ATAD1: variants seen among roughly 807,000 people sequenced by gnomAD.
ATAD1 encodes the protein outer mitochondrial transmembrane helix translocase.
A neutral mutation model predicts 42.7 loss-of-function variants in ATAD1; 18 were observed. The ratio of observed to expected loss-of-function variants is 0.42; its 90% confidence interval spans 0.29 to 0.63. The LOEUF (loss-of-function observed/expected upper bound fraction) is 0.63. Among genes scored for constraint, ATAD1 ranks in the 20% least tolerant of loss-of-function variants. The pLI is 0.19. For synonymous variants in ATAD1, 132 were observed against 143.1 expected, an observed-to-expected ratio of 0.92 and a Z score of 0.55; for missense variants, 294 against 440.4, an observed-to-expected ratio of 0.67 and a Z score of 2.98.
At chr10:87,786,912 GC>G (rs1855864612) in intron 4 of ATAD1, among the ~76,000 whole-genome samples, 1 of 151,714 alleles carries the variant, frequency 6.6e-6, no homozygotes, top group African/African-American at 2.4e-5. Flanking sequence ...CCGAGATTGC[GC>G]CATTGCACTC....
intron 1 of ATAD1, chr10:87,832,092 T>C (rs1367068265): frequency 3.3e-5 from 5 of 149,528 alleles, no homozygotes; most frequent in African/African-American, 4.9e-5. Flanking sequence ...TTTTTTTTTT[T>C]TGACAGGGTC....
intron 7 of ATAD1, among the ~76,000 whole-genome samples, chr10:87,768,671 A>G (rs2131804885): frequency 6.6e-6 from 1 of 152,334 alleles, no homozygotes; most frequent in Middle Eastern, 3.4e-3. Flanking sequence ...ATTTATAATA[A>G]ACTTGATAAA....
At chr10:87,768,437 C>T (rs553542833) in intron 7 of ATAD1, among the ~76,000 whole-genome samples, 2 of 152,154 alleles carry the variant, frequency 1.3e-5, no homozygotes, top group Non-Finnish European at 2.9e-5. Flanking sequence ...CCAAACTCTG[C>T]TCTTTCTGTA....
In ATAD1 at chr10:87,818,029, G is replaced by A. The variant is rs113350141; in HGVS notation, c.-14+138C>T. 57 of 985,610 alleles carry A rather than the reference G, an allele frequency of 5.8e-5. No individual in the cohort carries two copies. In the Admixed American group the frequency reaches 8.0e-4, roughly 14 times the overall value. 61.1% of individuals were successfully genotyped at this position (985,610 alleles called of 1,614,324 possible). ...TACTAAGGGCTGCGGGGCGCTTGGGGGCGGCACTGAGGTAGGGCGTGGGAG... is the reference window on the plus strand; with the variant it reads ...TACTAAGGGCTGCGGGGCGCTTGGGAGCGGCACTGAGGTAGGGCGTGGGAG... On this transcript the variant is annotated intron_variant, in intron 1 of 9. Transcript: ENST00000680024.
upstream of ATAD1, among the ~76,000 whole-genome samples, chr10:87,823,008 AAAT>A (rs1857659447): frequency 1.3e-5 from 2 of 151,980 alleles, no homozygotes; most frequent in Non-Finnish European, 2.9e-5. Context: ...ATCAAGGAAA[AAAT>A]AATGGAAATT....
chr10:87,827,912 A>G (rs146859451), intron 1 of ATAD1, among the ~76,000 whole-genome samples: 4 of 152,260 alleles, frequency 2.6e-5, no homozygotes, highest in Non-Finnish European at 4.4e-5. Flanking sequence ...GAGTCAGACA[A>G]TTAGCCAAGT....
At chr10:87,772,346 C>T (rs533224736) in intron 6 of ATAD1, among the ~76,000 whole-genome samples, 1 of 151,986 alleles carries the variant, frequency 6.6e-6, no homozygotes, top group East Asian at 1.9e-4. Context: ...CCTCTGGGCT[C>T]AAGCGATCCT....
chr10:87,760,283 A>AC (rs1363569284), intron 8 of ATAD1, among the ~76,000 whole-genome samples: 1 of 152,018 alleles, frequency 6.6e-6, no homozygotes, highest in Non-Finnish European at 1.5e-5. Context: ...GATTATGGGG[A>AC]CAGACTTCCC....
intron 3 of ATAD1, among the ~76,000 whole-genome samples, chr10:87,791,057 T>TAAAAAAG (rs1856080605): frequency 8.1e-6 from 1 of 124,032 alleles, no homozygotes; most frequent in African/African-American, 3.3e-5. Flanking sequence ...AAAAAAAAAT[T>TAAAAAAG]AACCAGGTGT....
chr10:87,814,782 T>A (rs951245726), intron 1 of ATAD1, 170 bp from the exon 2 acceptor site: 3 of 436,704 alleles, frequency 6.9e-6, no homozygotes, highest in Non-Finnish European at 1.1e-5. Flanking sequence ...TTTTAAATGT[T>A]AAGTAAACAA....
At chr10:87,805,354 C>T (rs533396702) in intron 2 of ATAD1, among the ~76,000 whole-genome samples, 1 of 152,224 alleles carries the variant, frequency 6.6e-6, no homozygotes, top group African/African-American at 2.4e-5. Flanking sequence ...CTGAGAAATC[C>T]TTACACTTCT....
At chr10:87,790,598 C>T (rs1188931809) in intron 3 of ATAD1, among the ~76,000 whole-genome samples, 168 bp from the exon 4 acceptor site, 3 of 152,040 alleles carry the variant, frequency 2.0e-5, no homozygotes, top group African/African-American at 4.8e-5. Flanking sequence ...AAATAAACTG[C>T]TATGAAACTG....
At chr10:87,758,954 C>T (rs1854353556) in intron 8 of ATAD1, among the ~76,000 whole-genome samples, 1 of 152,134 alleles carries the variant, frequency 6.6e-6, no homozygotes. Flanking sequence ...ATCTCATGTA[C>T]ATACATGTAT....
At chr10:87,764,391 G>C (rs1390336972) in intron 8 of ATAD1, among the ~76,000 whole-genome samples, 1 of 152,168 alleles carries the variant, frequency 6.6e-6, no homozygotes, top group Non-Finnish European at 1.5e-5. Flanking sequence ...GAACCTGGAA[G>C]GCAGAGGTTG....
intron 6 of ATAD1, among the ~76,000 whole-genome samples, chr10:87,775,974 A>G (rs1343790833): frequency 6.6e-6 from 1 of 152,180 alleles, no homozygotes; most frequent in Non-Finnish European, 1.5e-5. Flanking sequence ...AAACAGAAAG[A>G]ACAGTTTTTT....
At chr10:87,775,505 G>A (rs1589486942) in intron 6 of ATAD1, among the ~76,000 whole-genome samples, 2 of 113,548 alleles carry the variant, frequency 1.8e-5, no homozygotes, top group African/African-American at 6.7e-5. Context: ...ATATAAGTAA[G>A]TGATTCATTA....
rs551850391 is a variant in ATAD1 at position 87,772,561 on chromosome 10, T to A, written c.691-1520A>T. Among the ~76,000 whole-genome samples the A allele has an allele frequency of 7.2e-5, 11 of 151,950 alleles. No individual in the cohort carries two copies. In the East Asian group the frequency reaches 1.5e-3, roughly 21 times the overall value. ...AAGGAAAAAACATCACAAAAGACAC[T>A]GTGGTTAAGTCAATATTTGGGGGGG... On this transcript the variant is annotated intron_variant, in intron 6 of 9. Coordinates refer to ENST00000680024, the MANE Select transcript of ATAD1 (RefSeq NM_001321967.2).
At chr10:87,811,969 G>A (rs1411164271) in intron 2 of ATAD1, among the ~76,000 whole-genome samples, 1 of 152,094 alleles carries the variant, frequency 6.6e-6, no homozygotes. Flanking sequence ...ACAAATCTTT[G>A]GTTCGTTTTT....
intron 8 of ATAD1, among the ~76,000 whole-genome samples, chr10:87,765,819 G>C (rs1441264094): frequency 1.3e-5 from 2 of 152,096 alleles, no homozygotes; most frequent in East Asian, 3.8e-4. Flanking sequence ...CTTGAACCCA[G>C]GAGTTCAACA....
Sources: allele counts gnomAD v4.1 joint callset (sites outside exome capture counted in the v4.1 genomes callset), GRCh38; gene constraint gnomAD v4.1.1; transcripts MANE v1.5; gene names NCBI Gene and HGNC (gene_info 2026-07-23, HGNC 2026-07-21).